Variants in PCDHA8 observed in about 807,000 individuals in gnomAD.
The protein encoded by PCDHA8 is protocadherin alpha 8.
In PCDHA8, 53 loss-of-function variants were observed where a neutral mutation model predicts 61.8. The ratio of observed to expected loss-of-function variants is 0.86; its 90% CI spans 0.69 to 1.08. The LOEUF (loss-of-function observed/expected upper bound fraction) is 1.08, where lower values mean the gene tolerates loss of function less well. PCDHA8 is among the 50% of genes least tolerant of loss of function. The pLI is 0.00. For missense variants in PCDHA8, 1,293 were observed against 1,245.0 expected, an observed-to-expected ratio of 1.04 and a Z score of -0.58; for synonymous variants, 618 against 556.6, an observed-to-expected ratio of 1.11 and a Z score of -1.55.
rs2150527140 is a variant in PCDHA8 at position 140,853,018 on chromosome 5, A to G, written c.2394+9303A>G. 8 of 268,768 alleles carry G rather than the reference A, an allele frequency of 3.0e-5. No homozygotes were observed. In the East Asian group the frequency reaches 8.8e-4, roughly 30 times the overall value. 16.6% of individuals were successfully genotyped at this position (268,768 alleles called of 1,614,324 possible). A position where few individuals can be genotyped will look rare whatever the true frequency, so the allele number is the denominator to read the frequency against. ...CTCAGCCTCCCGAGTAGCTGGGACT[A>G]CAGGCGCCTGCCACCATGCCCGCCT... On this transcript the variant is annotated intron_variant, in intron 1 of 3. Coordinates refer to ENST00000531613, the MANE Select transcript of PCDHA8 (RefSeq NM_018911.3).
chr5:140,885,138 T>C (rs1582817960), intron 1 of PCDHA8, among the ~76,000 whole-genome samples: 1 of 152,206 alleles, frequency 6.6e-6, no homozygotes, highest in Admixed American at 6.5e-5. Context: ...TTTCTTTTTT[T>C]AAACTGTTTT....
chr5:140,963,895 T>C (rs1331133094), intron 1 of PCDHA8, among the ~76,000 whole-genome samples: 2 of 152,224 alleles, frequency 1.3e-5, no homozygotes, highest in Non-Finnish European at 2.9e-5. Flanking sequence ...TTAATTAAAA[T>C]GAGTAAAGTG....
intron 1 of PCDHA8, chr5:140,850,430 G>C (rs1346427061): frequency 1.9e-6 from 3 of 1,597,884 alleles, no homozygotes; most frequent in Non-Finnish European, 1.7e-6. Context: ...CACCGCGCCA[G>C]CGCCTACTGG....
intron 1 of PCDHA8, chr5:140,927,776 T>C (rs781966197): frequency 7.4e-6 from 12 of 1,614,140 alleles, no homozygotes; most frequent in South Asian, 1.1e-5. Flanking sequence ...GAGGTGCAAG[T>C]AGCTGCTTCA....
At chr5:140,945,000 G>T (rs980802301) in intron 1 of PCDHA8, among the ~76,000 whole-genome samples, 2 of 151,862 alleles carry the variant, frequency 1.3e-5, no homozygotes. Flanking sequence ...AACGGTTGTG[G>T]GTCATGAATT....
intron 1 of PCDHA8, chr5:140,864,139 T>C (rs2048337993): frequency 6.6e-6 from 1 of 152,226 alleles, no homozygotes; most frequent in South Asian, 2.1e-4. Context: ...GGCTGTTTCC[T>C]GTAAATGAGA....
chr5:140,849,954 A>G, intron 1 of PCDHA8: 1 of 1,597,790 alleles, frequency 6.3e-7, no homozygotes, highest in Non-Finnish European at 8.6e-7. Context: ...CGCGCAGGAG[A>G]ACGCCCTGGT....
In PCDHA8 at chr5:140,842,635, C is replaced by T. The variant is rs1330338408; in HGVS notation, c.1314C>T (p.Thr438=). 10 of 1,590,774 alleles carry T rather than the reference C, an allele frequency of 6.3e-6. 1 individual carries two copies. Among genetic ancestry groups the T allele is most frequent in the Non-Finnish European group, 8.6e-6 (10 of 1,163,124 alleles). ...RDGGSPSLWA[T]ASLSVEVADV... is the part of the protein sequence containing the mutation. ...GGGGCTCGCCTTCGCTGTGGGCCAC[C>T]GCCAGCTTGTCTGTGGAGGTGGCCG... The change falls in exon 1 of 4, where the codon ACC becomes ACT. Residue 438 remains threonine, a synonymous_variant. Coordinates refer to ENST00000531613, the MANE Select transcript of PCDHA8 (RefSeq NM_018911.3).
At chr5:140,891,007 G>A (rs1228475433) in intron 1 of PCDHA8, among the ~76,000 whole-genome samples, 7 of 152,030 alleles carry the variant, frequency 4.6e-5, no homozygotes, top group African/African-American at 7.3e-5. Context: ...TTATTGAAAA[G>A]CATTTTTTCT....
chr5:141,000,379 CTCTCTCTCTCTCTCTCTA>C (rs1224441934), intron 3 of PCDHA8, among the ~76,000 whole-genome samples: 4 of 60,364 alleles, frequency 6.6e-5, no homozygotes, highest in Non-Finnish European at 9.2e-5. Flanking sequence ...CTCTCTCTCT[CTCTCTCTCTCTCTCTCTA>C]TATATATATA....
In PCDHA8 at chr5:141,011,189, A is replaced by G. The variant is rs573647175; in HGVS notation, c.*1252A>G. On this transcript the variant is annotated 3_prime_UTR_variant, in exon 4 of 4. Coordinates refer to ENST00000531613, the MANE Select transcript of PCDHA8 (RefSeq NM_018911.3). ...CAAGACCCAAAAATTGAAGAAAAAT[A>G]TTGTTTTCTCATACAGTGAGCAGAT... 1.3e-5 allele frequency: 2 copies of G among 153,810 alleles called. No homozygotes were observed. Among genetic ancestry groups the G allele is most frequent in the African/African-American group, 4.8e-5 (2 of 41,570 alleles). 9.5% of individuals were successfully genotyped at this position (153,810 alleles called of 1,614,324 possible).
At chr5:140,999,892 G>A (rs1329841334) in intron 3 of PCDHA8, among the ~76,000 whole-genome samples, 1 of 152,134 alleles carries the variant, frequency 6.6e-6, no homozygotes, top group Non-Finnish European at 1.5e-5. Context: ...GCTGTAGCTT[G>A]GGACACCAAA....
intron 1 of PCDHA8, among the ~76,000 whole-genome samples, chr5:140,960,014 A>G (rs1380089859): frequency 6.6e-6 from 1 of 152,222 alleles, no homozygotes; most frequent in Non-Finnish European, 1.5e-5. Flanking sequence ...ATTTTGCATC[A>G]TGATTTTGTT....
chr5:140,868,834 A>G (rs1554162245), intron 1 of PCDHA8: 10 of 427,500 alleles, frequency 2.3e-5, no homozygotes, highest in Non-Finnish European at 8.0e-6. Context: ...AAGAAACCCA[A>G]AACACGTGAA....
At chr5:140,945,131 A>C (rs1484443084) in intron 1 of PCDHA8, among the ~76,000 whole-genome samples, 1 of 152,202 alleles carries the variant, frequency 6.6e-6, no homozygotes, top group Non-Finnish European at 1.5e-5. Context: ...CAACTTACAA[A>C]AATCAATAGC....
In PCDHA8 at chr5:140,850,828, C is replaced by G. The variant is rs2150499866; in HGVS notation, c.2394+7113C>G. 6.3e-7 allele frequency: 1 copy of G among 1,598,230 alleles called. No homozygotes were observed. Among genetic ancestry groups the G allele is most frequent in the East Asian group, 2.2e-5 (1 of 44,856 alleles). On this transcript the variant is annotated intron_variant, in intron 1 of 3. Coordinates refer to ENST00000531613, the MANE Select transcript of PCDHA8 (RefSeq NM_018911.3). ...ATGGCCTTCAGCCCGGGCCTTTCTC[C>G]TTGTGCTGGATCTACAGAGCGAACG...
At chr5:140,966,899 C>T in intron 1 of PCDHA8, 2 of 1,598,372 alleles carry the variant, frequency 1.3e-6, no homozygotes, top group African/African-American at 1.3e-5. Context: ...CTCCCAGCTG[C>T]GATACTCTGT....
chr5:140,987,011 C>T (rs1266225593), intron 3 of PCDHA8, among the ~76,000 whole-genome samples: 2 of 152,104 alleles, frequency 1.3e-5, no homozygotes, highest in African/African-American at 4.8e-5. Context: ...GTCATGAGTT[C>T]GAGACCAGCC....
Position 140,883,704 on chromosome 5 carries a change from C to A in PCDHA8, c.2394+39989C>A, listed in dbSNP as rs782488934. The A allele has an allele frequency of 1.9e-5, 31 of 1,613,628 alleles. 1 individual carries two copies. In the Middle Eastern group the frequency reaches 5.0e-4, roughly 26 times the overall value. ...GGCTGCCACATCTTCACGGTGTCTG[C>A]TCAGGACGCGGACGCACAGGAGAAC... On this transcript the variant is annotated intron_variant, in intron 1 of 3. Transcript: ENST00000531613.
Sources: allele counts gnomAD v4.1 joint callset (sites outside exome capture counted in the v4.1 genomes callset), GRCh38; gene constraint gnomAD v4.1.1; transcripts MANE v1.5; gene names NCBI Gene and HGNC (gene_info 2026-07-23, HGNC 2026-07-21).